Variants in PRAG1 observed in about 807,000 individuals in gnomAD.
The protein encoded by PRAG1 is PEAK1 related, kinase-activating pseudokinase 1, also known as inactive tyrosine-protein kinase PRAG1.
In PRAG1, 110 loss-of-function variants were observed where a neutral mutation model predicts 95.6. That is an observed-to-expected ratio of 1.15 (90% CI 0.99 to 1.35). The LOEUF (loss-of-function observed/expected upper bound fraction) is 1.35, where lower values mean the gene tolerates loss of function less well. Among genes scored for constraint, PRAG1 ranks in the 40% most tolerant of loss-of-function variants. PRAG1 has a pLI of 0.00. For missense variants in PRAG1, 2,554 were observed against 1,864.7 expected (o/e 1.37, Z -6.81); for synonymous variants, 1,052 against 819.4 (o/e 1.28, Z -4.85).
rs560929477 is a variant in PRAG1 at position 8,350,446 on chromosome 8, G to C, written c.2163-10811C>G. Among the ~76,000 whole-genome samples the C allele has an allele frequency of 5.3e-5, 8 of 152,242 alleles. No individual in the cohort carries two copies. The South Asian group carries it at 6.2e-4, about 12-fold the overall frequency. On this transcript the variant is annotated intron_variant, in intron 3 of 5. Coordinates refer to ENST00000615670, the MANE Select transcript of PRAG1 (RefSeq NM_001080826.3). The stretch of plus-strand genomic sequence containing the variant: ...AGGAAACTCACATCTGTTCACACAA[G>C]AGGAGCAGATGGGAAGAAAAGGAGA...
At chr8:8,365,117 C>T (rs1351656433) in intron 3 of PRAG1, among the ~76,000 whole-genome samples, 5 of 152,178 alleles carry the variant, frequency 3.3e-5, no homozygotes, top group Non-Finnish European at 7.4e-5. Flanking sequence ...TTCAATCAAG[C>T]ATCTCTATAA....
chr8:8,378,209 GC>G lies in PRAG1; in HGVS notation c.331-132del. On this transcript the variant is annotated intron_variant, in intron 2 of 5. Transcript: ENST00000615670. ...TGTAGTGCAGTGCAGGGGCGCTGGG[GC>G]CGGGGACTCAGTGCACGCCCACCTT... is the stretch of plus-strand genomic sequence containing the variant. 4.7e-6 allele frequency: 5 copies of G among 1,070,214 alleles called. No homozygotes were observed. In the South Asian group the frequency reaches 7.4e-5, roughly 16 times the overall value. 66.3% of individuals were successfully genotyped at this position (1,070,214 alleles called of 1,614,324 possible). A position where few individuals can be genotyped will look rare whatever the true frequency, so the allele number is the denominator to read the frequency against.
Position 8,339,527 on chromosome 8 carries a change from G to A in PRAG1, c.2271C>T (p.Thr757=), listed in dbSNP as rs56187292. The change falls in exon 4 of 6, where the codon ACC becomes ACT. Residue 757 remains threonine (T), a synonymous_variant. Transcript: ENST00000615670. ...SFRGVHVSFT[T]GSTDSLASDS... Reference sequence around the variant, plus strand: ...CTGAGGCCAGGCTGTCCGTGGAGCCGGTGGTGAAGCTGACGTGGACACCCC... The same window carrying A: ...CTGAGGCCAGGCTGTCCGTGGAGCCAGTGGTGAAGCTGACGTGGACACCCC... The A allele has an allele frequency of 2.1e-5, 34 of 1,614,054 alleles. No individual in the cohort carries two copies. Among genetic ancestry groups the A allele is most frequent in the South Asian group, 7.7e-5 (7 of 91,086 alleles).
chr8:8,346,898 C>T (rs925739995), intron 3 of PRAG1, among the ~76,000 whole-genome samples: 62 of 152,322 alleles, frequency 4.1e-4, no homozygotes, highest in African/African-American at 1.5e-3. Context: ...TGCCAGCATG[C>T]AGTTTCAGAC....
chr8:8,340,765 G>C (rs1799136117), intron 3 of PRAG1, among the ~76,000 whole-genome samples: 1 of 152,082 alleles, frequency 6.6e-6, no homozygotes, highest in Admixed American at 6.5e-5. Context: ...ACCACAAAAA[G>C]TGCTCCTTGA....
Position 8,378,083 on chromosome 8 carries a change from A to T in PRAG1, c.331-5T>A, listed in dbSNP as rs778974164. The T allele has an allele frequency of 2.2e-5, 33 of 1,519,144 alleles. No individual in the cohort carries two copies. The highest frequency in any genetic ancestry group is 2.4e-5 in the Non-Finnish European group (27 of 1,137,494). The allele number at this position is 1,519,144 out of a possible 1,614,324, so 94.1% of individuals were successfully genotyped here. On this transcript the variant is annotated splice_polypyrimidine_tract_variant and splice_region_variant and intron_variant, in intron 2 of 5. Transcript: ENST00000615670. ...AGGGGCTCGTCTCCAGATGACCTACACACAAGCCCAACGCAAAAAGACTTA... is the reference window on the plus strand; with the variant it reads ...AGGGGCTCGTCTCCAGATGACCTACTCACAAGCCCAACGCAAAAAGACTTA...
chr8:8,351,259 T>A (rs1444401858), intron 3 of PRAG1, among the ~76,000 whole-genome samples: 1 of 152,008 alleles, frequency 6.6e-6, no homozygotes, highest in Non-Finnish European at 1.5e-5. Context: ...TGCCACACAC[T>A]CTTTTGAACA....
intron 3 of PRAG1, among the ~76,000 whole-genome samples, chr8:8,349,296 T>A (rs201235255): frequency 2.5e-5 from 3 of 119,000 alleles, no homozygotes; most frequent in Middle Eastern, 4.1e-3. Flanking sequence ...TTATTTATTT[T>A]TTGAGACAGA....
chr8:8,361,331 C>T (rs777074987), intron 3 of PRAG1, among the ~76,000 whole-genome samples: 7 of 152,270 alleles, frequency 4.6e-5, no homozygotes, highest in Non-Finnish European at 7.4e-5. Context: ...TCCTGGAATT[C>T]CCAAGAATCT....
At chr8:8,341,993 T>C (rs1484759209) in intron 3 of PRAG1, among the ~76,000 whole-genome samples, 2 of 151,990 alleles carry the variant, frequency 1.3e-5, no homozygotes, top group African/African-American at 2.4e-5. Flanking sequence ...TAGCCAGGCA[T>C]AGTGGCCTGC....
chr8:8,382,167 T>A (rs577293185), intron 1 of PRAG1, among the ~76,000 whole-genome samples: 18 of 152,274 alleles, frequency 1.2e-4, no homozygotes, highest in Non-Finnish European at 2.4e-4. Flanking sequence ...ACGTAGGGTT[T>A]AAGATGAGAA....
At chr8:8,341,770 G>A (rs1223758158) in intron 3 of PRAG1, among the ~76,000 whole-genome samples, 1 of 152,130 alleles carries the variant, frequency 6.6e-6, no homozygotes, top group East Asian at 1.9e-4. Context: ...CATTCAAATA[G>A]AGGCTAGCCC....
At chr8:8,336,915 T>TCCCCCCCCCCC (rs956360550) in intron 4 of PRAG1, among the ~76,000 whole-genome samples, 1 of 24,628 alleles carries the variant, frequency 4.1e-5, no homozygotes, top group Non-Finnish European at 8.0e-5. Flanking sequence ...CTTTCCCCCC[T>TCCCCCCCCCCC]CCCCCCACCT....
intron 4 of PRAG1, among the ~76,000 whole-genome samples, chr8:8,330,749 G>A (rs943933503): frequency 2.6e-5 from 4 of 152,184 alleles, no homozygotes; most frequent in East Asian, 1.9e-4. Context: ...CCCATCCCAC[G>A]CTCCCCAGGA....
At chr8:8,368,534 ACC>A (rs994660311) in intron 3 of PRAG1, among the ~76,000 whole-genome samples, 3 of 152,216 alleles carry the variant, frequency 2.0e-5, no homozygotes, top group Non-Finnish European at 4.4e-5. Flanking sequence ...TGGTCTATCA[ACC>A]CTGATAGAAG....
chr8:8,340,058 A>G (rs1224606146), intron 3 of PRAG1, among the ~76,000 whole-genome samples: 1 of 152,260 alleles, frequency 6.6e-6, no homozygotes, highest in Non-Finnish European at 1.5e-5. Flanking sequence ...AGGACAAATG[A>G]ATTGCAAACT....
rs764583646 is a variant in PRAG1 at position 8,318,691 on chromosome 8, T to C, written c.3684A>G (p.Pro1228=). The part of the protein sequence containing the change: ...LKAKQKPGGT[P]NLQQKKSQAR... Reference sequence around the variant, plus strand: ...CCTGGCTCTTCTTCTGCTGCAGGTTTGGGGTGCCGCCCGGCTTCTGCTTGG... The same window carrying C: ...CCTGGCTCTTCTTCTGCTGCAGGTTCGGGGTGCCGCCCGGCTTCTGCTTGG... Residue 1228 remains proline, a synonymous_variant, in exon 6 of 6, where the codon CCA becomes CCG. Coordinates refer to ENST00000615670, the MANE Select transcript of PRAG1 (RefSeq NM_001080826.3). This position sits in a 1 kb window ranked among gnomAD's most constrained non-coding sequence, Gnocchi z 4.2. 4 of 1,610,656 alleles carry C rather than the reference T, an allele frequency of 2.5e-6. No homozygotes were observed. The highest frequency in any genetic ancestry group is 3.4e-6 in the Non-Finnish European group (4 of 1,179,540).
chr8:8,328,105 G>A lies in PRAG1; in HGVS notation c.2677C>T (p.Leu893Phe), dbSNP rs929054832. 1.2e-6 allele frequency: 2 copies of A among 1,612,250 alleles called. No homozygotes were observed. The highest frequency in any genetic ancestry group is 1.7e-6 in the Non-Finnish European group (2 of 1,178,498). ...TTGCCCGCCAGCCCTGCTGCCGGAAGCCAGTGGCCACTGCCTTTGAAAGCT... is the reference window on the plus strand; with the variant it reads ...TTGCCCGCCAGCCCTGCTGCCGGAAACCAGTGGCCACTGCCTTTGAAAGCT... ...EKAFKGSGHW[L>F]PAAGLAGNRG... Residue 893 changes from leucine (L) to phenylalanine (F), a missense_variant, in exon 5 of 6, where the codon CTT becomes TTT. Physicochemically the swap from Leu to Phe is conservative, Grantham distance 22. Coordinates refer to ENST00000615670, the MANE Select transcript of PRAG1 (RefSeq NM_001080826.3).
intron 3 of PRAG1, 83 bp downstream of exon 3, chr8:8,376,164 G>A: frequency 2.0e-6 from 3 of 1,518,020 alleles, no homozygotes; most frequent in Non-Finnish European, 1.8e-6. Context: ...ACCTGGGCCT[G>A]AAAGCTTTGA....
Sources: allele counts gnomAD v4.1 joint callset (sites outside exome capture counted in the v4.1 genomes callset), GRCh38; gene constraint gnomAD v4.1.1; non-coding constraint Gnocchi (gnomAD v3.1); transcripts MANE v1.5; gene names NCBI Gene and HGNC (gene_info 2026-07-23, HGNC 2026-07-21).